RBFOX1: variants seen among roughly 807,000 people sequenced by gnomAD.
RBFOX1 encodes the protein RNA binding protein fox-1 homolog 1.
A neutral mutation model predicts 57.7 loss-of-function variants in RBFOX1; 8 were observed. The observed-to-expected ratio is 0.14, with a 90% CI of 0.08 to 0.25. RBFOX1 has a LOEUF of 0.25. Among genes scored for constraint, RBFOX1 ranks in the 10% least tolerant of loss-of-function variants. The pLI, the probability that RBFOX1 is intolerant of heterozygous loss-of-function variation, is 1.00. For synonymous variants in RBFOX1, 326 were observed against 222.4 expected (o/e 1.47, Z -4.15); for missense variants, 611 against 548.5 (o/e 1.11, Z -1.14).
intron 4 of RBFOX1, among the ~76,000 whole-genome samples, chr16:7,345,415 G>A (rs2096978964): frequency 6.6e-6 from 1 of 152,318 alleles, no homozygotes; most frequent in Middle Eastern, 3.4e-3. Flanking sequence ...GTATTTGCCT[G>A]TAGCATTTTC....
intron 3 of RBFOX1, among the ~76,000 whole-genome samples, chr16:5,682,651 C>A (rs1210686366): frequency 6.6e-6 from 1 of 152,028 alleles, no homozygotes; most frequent in Admixed American, 6.6e-5. Context: ...AGCAATTGGC[C>A]CAAAGTCTCA....
intron 1 of RBFOX1, among the ~76,000 whole-genome samples, chr16:5,410,153 C>T (rs531041501): frequency 6.6e-6 from 1 of 151,638 alleles, no homozygotes; most frequent in East Asian, 1.9e-4. Context: ...CACTTCAGCC[C>T]AGGAGTTCGA....
intron 2 of RBFOX1, among the ~76,000 whole-genome samples, chr16:5,585,323 T>C (rs1015685734): frequency 6.6e-6 from 1 of 152,222 alleles, no homozygotes; most frequent in Non-Finnish European, 1.5e-5. Flanking sequence ...TTCATCCCTG[T>C]TGTGGAATGA....
chr16:5,941,317 T>C (rs1033884360), intron 4 of RBFOX1, among the ~76,000 whole-genome samples: 10 of 151,962 alleles, frequency 6.6e-5, no homozygotes, highest in African/African-American at 2.4e-4. Flanking sequence ...TAGTGAGATC[T>C]TATCTCTACA....
At chr16:5,652,430 T>C (rs1326944922) in intron 3 of RBFOX1, among the ~76,000 whole-genome samples, 1 of 152,130 alleles carries the variant, frequency 6.6e-6, no homozygotes, top group Non-Finnish European at 1.5e-5. Context: ...CTTGATGGCA[T>C]AGTTGGAAGG....
chr16:5,751,519 G>T (rs77562561), intron 3 of RBFOX1, among the ~76,000 whole-genome samples: 2 of 152,164 alleles, frequency 1.3e-5, no homozygotes, highest in Non-Finnish European at 2.9e-5. Flanking sequence ...CAAATAGTTA[G>T]ATGATGTGGC....
intron 4 of RBFOX1, among the ~76,000 whole-genome samples, chr16:7,288,176 G>A (rs531881563): frequency 1.6e-4 from 24 of 152,184 alleles, no homozygotes; most frequent in South Asian, 2.1e-4. Context: ...CTGGGGAAGC[G>A]GCACCTACCT....
At chr16:6,528,509 A>C (rs1460386103) in intron 2 of RBFOX1, among the ~76,000 whole-genome samples, 1 of 152,236 alleles carries the variant, frequency 6.6e-6, no homozygotes, top group Non-Finnish European at 1.5e-5. Flanking sequence ...AATGGTGAAC[A>C]GCTGGGCAAA....
chr16:5,505,724 G>A lies in RBFOX1; in HGVS notation c.258+38470G>A, dbSNP rs574358098. ...TACCATCTTACATTGTCCAGGAAGC[G>A]GGAGAGGGAAGAGAGACCCATTCTG... On this transcript the variant is annotated intron_variant, in intron 2 of 2. Transcript: ENST00000585867. Among the ~76,000 whole-genome samples, 12 of 152,252 alleles carry A rather than the reference G, an allele frequency of 7.9e-5. No homozygotes were observed. In the South Asian group the frequency reaches 2.3e-3, roughly 29 times the overall value.
At chr16:6,914,286 T>G (rs932167012) in intron 3 of RBFOX1, among the ~76,000 whole-genome samples, 1 of 152,180 alleles carries the variant, frequency 6.6e-6, no homozygotes, top group Non-Finnish European at 1.5e-5. Context: ...TCATTATAAT[T>G]ATAATTTCCG....
chr16:6,088,834 T>A (rs545189229), intron 1 of RBFOX1, among the ~76,000 whole-genome samples: 2 of 152,092 alleles, frequency 1.3e-5, no homozygotes, highest in Non-Finnish European at 2.9e-5. Flanking sequence ...CGGTGGCTCA[T>A]GCCTGTAATC....
At chr16:6,888,068 G>T (rs2064539884) in intron 3 of RBFOX1, among the ~76,000 whole-genome samples, 1 of 152,064 alleles carries the variant, frequency 6.6e-6, no homozygotes, top group Admixed American at 6.5e-5. Context: ...GACGTTCCCA[G>T]GTAATTAGTG....
chr16:6,853,876 A>T (rs2057311054), intron 3 of RBFOX1, among the ~76,000 whole-genome samples: 1 of 152,194 alleles, frequency 6.6e-6, no homozygotes, highest in African/African-American at 2.4e-5. Context: ...TGGTTAATAT[A>T]GCCAGGGCCA....
chr16:6,792,187 A>T (rs2083100727), intron 3 of RBFOX1, among the ~76,000 whole-genome samples: 1 of 152,224 alleles, frequency 6.6e-6, no homozygotes, highest in Non-Finnish European at 1.5e-5. Context: ...GCAGGTAGTT[A>T]AGGTGAGTAA....
At chr16:6,674,140 T>C (rs1187252167) in intron 3 of RBFOX1, among the ~76,000 whole-genome samples, 1 of 152,204 alleles carries the variant, frequency 6.6e-6, no homozygotes, top group Non-Finnish European at 1.5e-5. Flanking sequence ...TAAGTCCTTG[T>C]TGTGGGTTGA....
chr16:6,627,963 C>T (rs2098332340), intron 2 of RBFOX1, among the ~76,000 whole-genome samples: 1 of 152,224 alleles, frequency 6.6e-6, no homozygotes, highest in Non-Finnish European at 1.5e-5. Flanking sequence ...CTCTCAGCCT[C>T]GCTGGATGTC....
intron 3 of RBFOX1, among the ~76,000 whole-genome samples, chr16:6,939,245 A>G (rs980351818): frequency 1.3e-5 from 2 of 152,168 alleles, no homozygotes; most frequent in Non-Finnish European, 2.9e-5. Context: ...AGGTTTCCCC[A>G]CTTCTCAAAT....
At chr16:7,476,204 C>CAGTTCAAGGA (rs1317928286) in intron 4 of RBFOX1, among the ~76,000 whole-genome samples, 1 of 151,982 alleles carries the variant, frequency 6.6e-6, no homozygotes, top group Non-Finnish European at 1.5e-5. Context: ...AACTGCTGGG[C>CAGTTCAAGGA]TCAAATGATC....
intron 5 of RBFOX1, among the ~76,000 whole-genome samples, chr16:7,564,540 C>CAAAAAAAAAAAAAAAAAAA (rs5815409): frequency 3.6e-5 from 3 of 82,516 alleles, no homozygotes; most frequent in African/African-American, 2.9e-4. Context: ...GACTCCATCT[C>CAAAAAAAAAAAAAAAAAAA]AAAAAAAAAA....
Sources: gnomAD v4.1 joint callset for allele counts (sites outside exome capture counted in the v4.1 genomes callset) on GRCh38, gnomAD v4.1.1 for gene constraint, MANE v1.5 for transcripts, NCBI Gene and HGNC (gene_info 2026-07-23, HGNC 2026-07-21) for gene names.